The following TENM4 variants were observed in gnomAD, a reference collection of about 807,000 sequenced individuals.
TENM4 encodes teneurin-4.
TENM4 carries 82 observed loss-of-function variants against 243.3 expected under a neutral mutation model. The observed-to-expected ratio is 0.34, with a 90% CI of 0.28 to 0.40. The LOEUF (loss-of-function observed/expected upper bound fraction) is 0.40, where lower values mean the gene tolerates loss of function less well. TENM4 is among the 10% of genes least tolerant of loss of function. The probability of loss-of-function intolerance (pLI) is 1.00; values close to 1 mark genes in which losing one functional copy is unlikely to be tolerated. For missense variants in TENM4, 3,138 were observed against 3,673.3 expected (o/e 0.85, Z 3.77); for synonymous variants, 1,412 against 1,456.3 (o/e 0.97, Z 0.69).
rs779428528 is a variant in TENM4 at position 78,669,014 on chromosome 11, A to C, written c.7331T>G (p.Val2444Gly). ...ELWKHLSSSNVMPFNLYMFKN... is the reference protein window; with the variant it reads ...ELWKHLSSSNGMPFNLYMFKN... ...GAACATATAGAGATTAAAAGGCATGACGTTGCTGCTACTAAGGTGCTTCCA... is the reference window on the plus strand; with the variant it reads ...GAACATATAGAGATTAAAAGGCATGCCGTTGCTGCTACTAAGGTGCTTCCA... Residue 2444 changes from valine (V) to glycine (G), a missense_variant, in exon 32 of 34, where the codon GTC becomes GGC. By Grantham distance (109) the Val-to-Gly change is moderately radical. This residue lies in a region of TENM4 where 2,467 missense variants were observed against 3,059.1 expected (regional missense o/e 0.81). Coordinates refer to ENST00000278550, the MANE Select transcript of TENM4 (RefSeq NM_001098816.3). This position sits in a 1 kb window ranked among gnomAD's most constrained non-coding sequence, Gnocchi z 6.4. 6.8e-6 allele frequency: 11 copies of C among 1,613,934 alleles called. No individual in the cohort carries two copies. The highest frequency in any genetic ancestry group is 9.3e-6 in the Non-Finnish European group (11 of 1,179,896).
At chr11:78,850,252 C>T (rs956863689) in intron 12 of TENM4, among the ~76,000 whole-genome samples, 4 of 152,158 alleles carry the variant, frequency 2.6e-5, no homozygotes, top group Admixed American at 2.0e-4. Flanking sequence ...AAAGCAAAAA[C>T]ATACACAATA....
At chr11:79,233,062 C>A (rs1371401057) in intron 2 of TENM4, among the ~76,000 whole-genome samples, 1 of 152,186 alleles carries the variant, frequency 6.6e-6, no homozygotes, top group Admixed American at 6.5e-5. Flanking sequence ...CAGGGTCAAG[C>A]CTTTGTATAT....
chr11:79,238,653 A>G (rs1426165640), intron 2 of TENM4, among the ~76,000 whole-genome samples: 2 of 151,828 alleles, frequency 1.3e-5, no homozygotes, highest in East Asian at 3.9e-4. Flanking sequence ...AAACCTTCAT[A>G]ATAAATCTCT....
chr11:79,321,506 G>C (rs1007810204), intron 1 of TENM4, among the ~76,000 whole-genome samples: 15 of 152,122 alleles, frequency 9.9e-5, no homozygotes, highest in African/African-American at 2.7e-4. Flanking sequence ...TCACAGGAAA[G>C]GGGGAGGGGG....
rs751008364 is a variant in TENM4 at position 78,655,893 on chromosome 11, T to A, written c.*2165A>T. ...ATCCTGCCAGATGGGAGCCCCCATC[T>A]CCAGCTCATGCCTCCCACAGCAGGC... is the stretch of plus-strand genomic sequence containing the variant. On this transcript the variant is annotated 3_prime_UTR_variant, in exon 34 of 34. Transcript: ENST00000278550. The A allele has an allele frequency of 9.2e-5, 14 of 152,248 alleles. No homozygotes were observed. Among genetic ancestry groups the A allele is most frequent in the Non-Finnish European group, 1.9e-4 (13 of 68,066 alleles). The allele number at this position is 152,248 out of a possible 1,614,324, so 9.4% of individuals were successfully genotyped here. A position where few individuals can be genotyped will look rare whatever the true frequency, so the allele number is the denominator to read the frequency against.
chr11:78,963,890 C>T (rs1288451587), intron 6 of TENM4, among the ~76,000 whole-genome samples: 2 of 150,780 alleles, frequency 1.3e-5, no homozygotes, highest in Non-Finnish European at 2.9e-5. Flanking sequence ...TGCCACCTGC[C>T]TATTTTTTTT....
chr11:79,432,557 A>G (rs1860196161), intron 1 of TENM4, among the ~76,000 whole-genome samples: 1 of 152,204 alleles, frequency 6.6e-6, no homozygotes, highest in South Asian at 2.1e-4. Context: ...AGATACTGAA[A>G]TTTACCTTCA....
chr11:78,690,013 G>A (rs1251692048), intron 28 of TENM4, among the ~76,000 whole-genome samples: 1 of 152,176 alleles, frequency 6.6e-6, no homozygotes, highest in East Asian at 1.9e-4. Context: ...GCAAGGCTGT[G>A]GCTCTATCAG....
intron 6 of TENM4, among the ~76,000 whole-genome samples, chr11:78,914,604 T>C (rs1057327341): frequency 6.6e-6 from 1 of 152,172 alleles, no homozygotes; most frequent in African/African-American, 2.4e-5. Flanking sequence ...ACAGTTAAAC[T>C]TAATGCCTCC....
At chr11:78,953,777 C>T (rs1166479458) in intron 6 of TENM4, among the ~76,000 whole-genome samples, 1 of 152,028 alleles carries the variant, frequency 6.6e-6, no homozygotes, top group African/African-American at 2.4e-5. Flanking sequence ...ATTTTAGTAT[C>T]CCTGGAGGTT....
At chr11:79,289,949 C>CTTTCTT (rs777908951) in intron 2 of TENM4, among the ~76,000 whole-genome samples, 1 of 149,632 alleles carries the variant, frequency 6.7e-6, no homozygotes, top group African/African-American at 2.5e-5. Flanking sequence ...TACCTTTTTT[C>CTTTCTT]TTTCTTTTTC....
At chr11:79,108,747 C>A (rs1289173211) in intron 4 of TENM4, among the ~76,000 whole-genome samples, 1 of 152,148 alleles carries the variant, frequency 6.6e-6, no homozygotes, top group Non-Finnish European at 1.5e-5. Flanking sequence ...TATCCTCCTC[C>A]CTCCATGGCT....
intron 2 of TENM4, among the ~76,000 whole-genome samples, chr11:79,219,258 A>G (rs1460702187): frequency 6.6e-6 from 1 of 152,228 alleles, no homozygotes; most frequent in Admixed American, 6.5e-5. Context: ...TAAGCTGTGC[A>G]GAGGGAAGTG....
At chr11:79,300,409 C>T (rs374702071) in intron 1 of TENM4, among the ~76,000 whole-genome samples, 2 of 152,134 alleles carry the variant, frequency 1.3e-5, no homozygotes, top group African/African-American at 4.8e-5. Context: ...CTGATGGACA[C>T]AGCATTATTT....
At chr11:79,106,375 C>T (rs1041318608) in intron 4 of TENM4, among the ~76,000 whole-genome samples, 1 of 152,176 alleles carries the variant, frequency 6.6e-6, no homozygotes, top group Non-Finnish European at 1.5e-5. Context: ...ACAGGCAGTC[C>T]CAGGCTGGGG....
At chr11:79,064,596 C>G in intron 6 of TENM4, 142 bp downstream of exon 6, 1 of 1,123,538 alleles carries the variant, frequency 8.9e-7, no homozygotes, top group Non-Finnish European at 1.3e-6. Context: ...CTCCAAGAGA[C>G]TCTGACATTT....
At position 79,440,598 on chromosome 11, in the gene TENM4, G is replaced by T. The variant is rs1205781578; in HGVS notation, c.-410C>A. 2 of 152,136 alleles carry T rather than the reference G, an allele frequency of 1.3e-5. No homozygotes were observed. The highest frequency in any genetic ancestry group is 2.9e-5 in the Non-Finnish European group (2 of 68,070). 9.4% of individuals were successfully genotyped at this position (152,136 alleles called of 1,614,324 possible). On this transcript the variant is annotated 5_prime_UTR_variant, in exon 1 of 34. Coordinates refer to ENST00000278550, the MANE Select transcript of TENM4 (RefSeq NM_001098816.3). This position sits in a 1 kb window ranked among gnomAD's most constrained non-coding sequence, Gnocchi z 4.7. ...GCCGGTGGCTCCTCTCTCTCTCGGCGGCGCGGCTCCTCTGCTCCGCGAGCC... is the reference window on the plus strand; with the variant it reads ...GCCGGTGGCTCCTCTCTCTCTCGGCTGCGCGGCTCCTCTGCTCCGCGAGCC...
At chr11:79,049,904 C>T (rs1859753999) in intron 6 of TENM4, among the ~76,000 whole-genome samples, 1 of 152,240 alleles carries the variant, frequency 6.6e-6, no homozygotes, top group African/African-American at 2.4e-5. Context: ...TGCCCGGCTT[C>T]CTCCGAACTT....
chr11:79,079,680 T>C (rs1011186969), intron 4 of TENM4, among the ~76,000 whole-genome samples: 2 of 151,852 alleles, frequency 1.3e-5, no homozygotes, highest in Non-Finnish European at 2.9e-5. Flanking sequence ...TATACAAGAA[T>C]TAGCTGGGTG....
Sources: gnomAD v4.1 joint callset for allele counts (sites outside exome capture counted in the v4.1 genomes callset) on GRCh38, gnomAD v4.1.1 for gene constraint, gnomAD v4.1.1 regional missense constraint, Gnocchi (gnomAD v3.1) non-coding constraint, MANE v1.5 for transcripts, NCBI Gene and HGNC (gene_info 2026-07-23, HGNC 2026-07-21) for gene names.